Variants in FAM107B observed in about 807,000 individuals in gnomAD.
FAM107B encodes the protein family with sequence similarity 107 member B.
FAM107B carries 21 observed loss-of-function variants against 31.5 expected under a neutral mutation model. The ratio of observed to expected loss-of-function variants is 0.67; its 90% CI spans 0.47 to 0.96. FAM107B has a LOEUF of 0.96. Among genes scored for constraint, FAM107B ranks in the 40% least tolerant of loss-of-function variants. The pLI is 0.00. For synonymous variants in FAM107B, 157 were observed against 141.5 expected (o/e 1.11, Z -0.78); for missense variants, 452 against 377.1 (o/e 1.20, Z -1.64).
intron 2 of FAM107B, among the ~76,000 whole-genome samples, chr10:14,571,224 C>T (rs532890249): frequency 8.5e-5 from 13 of 152,218 alleles, no homozygotes; most frequent in East Asian, 5.8e-4. Context: ...CCCCAAGGCC[C>T]CTCCTCCTAA....
intron 2 of FAM107B, among the ~76,000 whole-genome samples, chr10:14,598,372 A>G (rs1852255947): frequency 6.6e-6 from 1 of 152,218 alleles, no homozygotes; most frequent in Non-Finnish European, 1.5e-5. Flanking sequence ...AATACCAGGC[A>G]GCCTTAGAAA....
chr10:14,645,585 G>A (rs916510335), intron 2 of FAM107B, among the ~76,000 whole-genome samples: 1 of 152,194 alleles, frequency 6.6e-6, no homozygotes, highest in African/African-American at 2.4e-5. Context: ...TCAGCTTGTA[G>A]GGGGATGTGG....
At chr10:14,711,935 C>T (rs549447190) in intron 1 of FAM107B, among the ~76,000 whole-genome samples, 30 of 152,282 alleles carry the variant, frequency 2.0e-4, no homozygotes, top group African/African-American at 3.6e-4. Flanking sequence ...TGCGCCACCG[C>T]GCCCGGCCTC....
chr10:14,656,790 A>T (rs982337367), intron 2 of FAM107B, among the ~76,000 whole-genome samples: 23 of 152,354 alleles, frequency 1.5e-4, no homozygotes, highest in African/African-American at 5.5e-4. Context: ...TGCAGCACAC[A>T]CAAAAAATTA....
intron 2 of FAM107B, among the ~76,000 whole-genome samples, chr10:14,544,074 G>A (rs1848486565): frequency 6.6e-6 from 1 of 152,088 alleles, no homozygotes; most frequent in Non-Finnish European, 1.5e-5. Flanking sequence ...CAGGCACCCC[G>A]AGGAGAGACT....
chr10:14,630,662 A>G (rs1345453724), intron 2 of FAM107B, among the ~76,000 whole-genome samples: 1 of 151,666 alleles, frequency 6.6e-6, no homozygotes, highest in Non-Finnish European at 1.5e-5. Context: ...ATACCCCTCT[A>G]AAATAAAAAT....
chr10:14,696,258 A>G (rs1234862634), intron 1 of FAM107B, among the ~76,000 whole-genome samples: 4 of 152,320 alleles, frequency 2.6e-5, no homozygotes, highest in Non-Finnish European at 5.9e-5. Flanking sequence ...GTGGCTTTTA[A>G]TCTCGCATTC....
intron 2 of FAM107B, among the ~76,000 whole-genome samples, chr10:14,575,945 CAT>C (rs1443753201): frequency 1.3e-5 from 2 of 152,202 alleles, no homozygotes; most frequent in African/African-American, 2.4e-5. Context: ...CATGCTACCA[CAT>C]AGACAGGTCT....
chr10:14,650,521 G>C (rs1853872036), intron 2 of FAM107B, among the ~76,000 whole-genome samples: 2 of 152,208 alleles, frequency 1.3e-5, no homozygotes, highest in African/African-American at 4.8e-5. Context: ...CCCGACCTGA[G>C]GTAATCCTCC....
intron 1 of FAM107B, among the ~76,000 whole-genome samples, chr10:14,681,633 A>G (rs1484114690): frequency 2.0e-5 from 3 of 152,188 alleles, no homozygotes; most frequent in African/African-American, 7.2e-5. Flanking sequence ...CCAGACTTGT[A>G]TCACTGCCCA....
intron 2 of FAM107B, among the ~76,000 whole-genome samples, chr10:14,563,607 G>C (rs1449816845): frequency 6.6e-6 from 1 of 152,174 alleles, no homozygotes; most frequent in Non-Finnish European, 1.5e-5. Flanking sequence ...CATTGCTATG[G>C]CTTCAGAATA....
At chr10:14,617,433 G>A (rs1428259738) in intron 2 of FAM107B, among the ~76,000 whole-genome samples, 1 of 152,144 alleles carries the variant, frequency 6.6e-6, no homozygotes, top group Non-Finnish European at 1.5e-5. Flanking sequence ...TGCTCACAAG[G>A]AGTCAAGCCA....
At chr10:14,639,085 T>A (rs1234475237) in intron 2 of FAM107B, among the ~76,000 whole-genome samples, 1 of 152,010 alleles carries the variant, frequency 6.6e-6, no homozygotes, top group African/African-American at 2.4e-5. Flanking sequence ...TCCAAGCTAT[T>A]TGGGGGGTTG....
In FAM107B at chr10:14,774,638, G is replaced by C. The variant is rs766805253; in HGVS notation, c.26C>G (p.Thr9Ser). The C allele has an allele frequency of 4.3e-6, 7 of 1,613,996 alleles. No homozygotes were observed. Among genetic ancestry groups the C allele is most frequent in the Middle Eastern group, 1.7e-4 (1 of 6,058 alleles). Residue 9 changes from threonine to serine, a missense_variant, in exon 1 of 5, where the codon ACC becomes AGC. Coordinates refer to ENST00000181796, the MANE Select transcript of FAM107B (RefSeq NM_031453.4). MSTWKARL[T>S]KRLKSPSRSM... ...TCTAGAGGGAGACTTCAGTCTTTTG[G>C]TGAGTCTTGCTTTCCACGTGGACAT...
intron 2 of FAM107B, among the ~76,000 whole-genome samples, chr10:14,592,944 C>G (rs572771513): frequency 1.2e-4 from 19 of 152,290 alleles, no homozygotes; most frequent in African/African-American, 4.6e-4. Context: ...GCTTCCAGCT[C>G]AAGTCGTGAG....
chr10:14,764,101 T>C (rs12253550), intron 1 of FAM107B, among the ~76,000 whole-genome samples: 6 of 152,274 alleles, frequency 3.9e-5, no homozygotes, highest in African/African-American at 1.4e-4. Context: ...ACAAAAGAGA[T>C]AACTTTGAAT....
Position 14,740,973 on chromosome 10 carries a change from C to T in FAM107B, c.411+33280G>A, listed in dbSNP as rs1856422448. Reference sequence around the variant, plus strand: ...TTCTGTTAAGTGTTAAAAGTAAATCCAGTTTGGCGGCCAGGAAACGATGTG... The same window carrying T: ...TTCTGTTAAGTGTTAAAAGTAAATCTAGTTTGGCGGCCAGGAAACGATGTG... On this transcript the variant is annotated intron_variant, in intron 1 of 4. Coordinates refer to ENST00000181796, the MANE Select transcript of FAM107B (RefSeq NM_031453.4). Among the ~76,000 whole-genome samples, 5 of 152,208 alleles carry T rather than the reference C, an allele frequency of 3.3e-5. No individual in the cohort carries two copies. In the South Asian group the frequency reaches 1.0e-3, roughly 32 times the overall value.
intron 1 of FAM107B, among the ~76,000 whole-genome samples, chr10:14,678,105 C>T (rs541965213): frequency 6.8e-4 from 103 of 152,302 alleles, no homozygotes; most frequent in African/African-American, 2.4e-3. Flanking sequence ...TGACGACAAG[C>T]CTAGGTGGTC....
chr10:14,700,658 C>T (rs1182950807), intron 1 of FAM107B, among the ~76,000 whole-genome samples: 3 of 151,980 alleles, frequency 2.0e-5, no homozygotes, highest in East Asian at 1.9e-4. Flanking sequence ...ACTCCCTCTA[C>T]ATCCATTTTC....
Sources: gnomAD v4.1 joint callset for allele counts (sites outside exome capture counted in the v4.1 genomes callset) on GRCh38, gnomAD v4.1.1 for gene constraint, MANE v1.5 for transcripts, NCBI Gene and HGNC (gene_info 2026-07-23, HGNC 2026-07-21) for gene names.